The following LONRF1 variants were observed in gnomAD, a reference collection of about 807,000 sequenced individuals.
LONRF1 encodes LON peptidase N-terminal domain and ring finger 1, also known as LON peptidase N-terminal domain and RING finger protein 1.
Under a neutral mutation model 85.8 loss-of-function variants are expected in LONRF1, and 37 were observed. The observed-to-expected ratio is 0.43, with a 90% CI of 0.33 to 0.57. The LOEUF (loss-of-function observed/expected upper bound fraction) is 0.57, where lower values mean the gene tolerates loss of function less well. LONRF1 is among the 20% of genes least tolerant of loss of function. The probability of loss-of-function intolerance (pLI) is 0.04; values close to 1 mark genes in which losing one functional copy is unlikely to be tolerated. For missense variants in LONRF1, 1,036 were observed against 978.0 expected, an observed-to-expected ratio of 1.06 and a Z score of -0.79; for synonymous variants, 517 against 390.1, an observed-to-expected ratio of 1.33 and a Z score of -3.83.
At chr8:12,747,489 G>A (rs1161704187) in intron 1 of LONRF1, among the ~76,000 whole-genome samples, 4 of 152,194 alleles carry the variant, frequency 2.6e-5, no homozygotes, top group Non-Finnish European at 5.9e-5. Context: ...CAGTGTTGGT[G>A]TTAACAAAAG....
chr8:12,735,269 C>T lies in LONRF1; in HGVS notation c.1566+17G>A. ...CAAACTTAAGACCAACAAACAGACA[C>T]ATATACAAATATTTACCTCTTTTAA... On this transcript the variant is annotated intron_variant, in intron 7 of 11. Coordinates refer to ENST00000398246, the MANE Select transcript of LONRF1 (RefSeq NM_152271.5). 2.0e-6 allele frequency: 3 copies of T among 1,518,226 alleles called. No individual in the cohort carries two copies. Among genetic ancestry groups the T allele is most frequent in the South Asian group, 2.3e-5 (2 of 85,694 alleles). 94.0% of individuals were successfully genotyped at this position (1,518,226 alleles called of 1,614,324 possible).
chr8:12,725,082 T>G (rs1032269521), intron 11 of LONRF1, among the ~76,000 whole-genome samples: 2 of 152,250 alleles, frequency 1.3e-5, no homozygotes, highest in South Asian at 2.1e-4. Context: ...AAGTCTATGA[T>G]CAGATTTTCC....
chr8:12,743,913 T>C (rs1221576580), intron 1 of LONRF1, among the ~76,000 whole-genome samples: 2 of 152,168 alleles, frequency 1.3e-5, no homozygotes, highest in African/African-American at 4.8e-5. Context: ...AAACGCTTTG[T>C]GATTCATTTC....
In LONRF1 at chr8:12,722,185, TC is replaced by T. The variant is rs1195837720; in HGVS notation, c.*910del. 1 of 152,556 alleles carries T rather than the reference TC, an allele frequency of 6.6e-6. No homozygotes were observed. The highest frequency in any genetic ancestry group is 1.5e-5 in the Non-Finnish European group (1 of 68,030). The allele number at this position is 152,556 out of a possible 1,614,324, so 9.5% of individuals were successfully genotyped here. Reference sequence around the variant, plus strand: ...GTTCTATATTAAACTTCTTCTCTTTTCCCAGATCCTTAATGGGTTTATACTA... The same window carrying T: ...GTTCTATATTAAACTTCTTCTCTTTTCCAGATCCTTAATGGGTTTATACTA... On this transcript the variant is annotated 3_prime_UTR_variant, in exon 12 of 12. Transcript: ENST00000398246.
At chr8:12,749,638 TAAAAAAC>T (rs1353469888) in intron 1 of LONRF1, among the ~76,000 whole-genome samples, 1 of 152,156 alleles carries the variant, frequency 6.6e-6, no homozygotes, top group Non-Finnish European at 1.5e-5. Flanking sequence ...GAAAAACAGT[TAAAAAAC>T]AAATTATTCA....
intron 1 of LONRF1, among the ~76,000 whole-genome samples, chr8:12,746,856 G>T (rs895946440): frequency 6.6e-6 from 1 of 152,132 alleles, no homozygotes; most frequent in African/African-American, 2.4e-5. Flanking sequence ...TAATATGTTG[G>T]TAACAGTCTC....
chr8:12,727,602 G>C (rs1464550173), intron 10 of LONRF1, among the ~76,000 whole-genome samples: 2 of 152,026 alleles, frequency 1.3e-5, no homozygotes, highest in African/African-American at 2.4e-5. Flanking sequence ...AATACATATA[G>C]TCATGTAATT....
intron 7 of LONRF1, 41 bp from the exon 8 acceptor site, chr8:12,731,898 C>G (rs375840416): frequency 3.0e-5 from 47 of 1,592,674 alleles, no homozygotes; most frequent in Non-Finnish European, 3.8e-5. Flanking sequence ...AGTGGTTTTC[C>G]TACAGTATAA....
At chr8:12,747,532 A>C (rs1471988041) in intron 1 of LONRF1, among the ~76,000 whole-genome samples, 1 of 152,198 alleles carries the variant, frequency 6.6e-6, no homozygotes, top group Non-Finnish European at 1.5e-5. Context: ...GTTCGAATTG[A>C]CTTTTATTTG....
intron 8 of LONRF1, among the ~76,000 whole-genome samples, chr8:12,730,794 G>T (rs943332708): frequency 2.0e-5 from 3 of 152,214 alleles, no homozygotes; most frequent in Admixed American, 2.0e-4. Flanking sequence ...TCTGTGGAAG[G>T]CACCTGGCTC....
chr8:12,740,067 C>T (rs537497294), intron 3 of LONRF1, among the ~76,000 whole-genome samples: 2 of 152,158 alleles, frequency 1.3e-5, no homozygotes, highest in South Asian at 4.1e-4. Context: ...TTGGTGGGCC[C>T]AGGACTCTTT....
At chr8:12,734,101 G>A (rs1451085213) in intron 7 of LONRF1, among the ~76,000 whole-genome samples, 1 of 152,082 alleles carries the variant, frequency 6.6e-6, no homozygotes, top group African/African-American at 2.4e-5. Context: ...GTTATCCTGG[G>A]GGGGTATTTA....
intron 7 of LONRF1, 23 bp downstream of exon 7, chr8:12,735,263 C>G (rs1245417802): frequency 1.3e-6 from 2 of 1,491,942 alleles, no homozygotes; most frequent in Non-Finnish European, 1.8e-6. Flanking sequence ...GACCAACAAA[C>G]AGACACATAT....
chr8:12,743,392 A>C (rs528432719), intron 1 of LONRF1, 110 bp from the exon 2 acceptor site: 35 of 725,820 alleles, frequency 4.8e-5, no homozygotes, highest in Non-Finnish European at 7.2e-5. Flanking sequence ...CAGGGTTAAT[A>C]ATCACCAAAC....
chr8:12,743,183 T>C lies in LONRF1; in HGVS notation c.821A>G (p.Gln274Arg), dbSNP rs1316986528. The change falls in exon 2 of 12, where the codon CAA becomes CGA. Residue 274 changes from glutamine to arginine, a missense_variant. Physicochemically the swap from Gln to Arg is conservative, Grantham distance 43 (BLOSUM62 1). This residue lies in a region of LONRF1 where 742 missense variants were observed against 614.4 expected (regional missense o/e 1.21). Transcript: ENST00000398246. Reference sequence around the variant, plus strand: ...TTTTACCTCAGGCCAATCTGGAAGTTGAAAAAGAACTGCATTTAAATCTTC... The same window carrying C: ...TTTTACCTCAGGCCAATCTGGAAGTCGAAAAAGAACTGCATTTAAATCTTC... ...AIEDLNAVLFQLPDWPEVYFR... is the reference protein window; with the variant it reads ...AIEDLNAVLFRLPDWPEVYFR... The C allele has an allele frequency of 1.9e-6, 3 of 1,610,774 alleles. No homozygotes were observed. The highest frequency in any genetic ancestry group is 8.5e-7 in the Non-Finnish European group (1 of 1,177,262).
intron 7 of LONRF1, among the ~76,000 whole-genome samples, chr8:12,734,306 C>A (rs1015784026): frequency 6.6e-6 from 1 of 152,132 alleles, no homozygotes; most frequent in Non-Finnish European, 1.5e-5. Context: ...AATGTAATAA[C>A]AGACATGCTA....
At chr8:12,729,912 C>G (rs1013538010) in intron 8 of LONRF1, among the ~76,000 whole-genome samples, 4 of 152,134 alleles carry the variant, frequency 2.6e-5, no homozygotes, top group African/African-American at 9.7e-5. Context: ...AAAGGCAATG[C>G]CCAGTTCTGT....
rs953211103 is a variant in LONRF1 at position 12,737,431 on chromosome 8, A to G, written c.1114-291T>C. The G allele has an allele frequency of 4.9e-5, 27 of 551,952 alleles. No individual in the cohort carries two copies. In the African/African-American group the frequency reaches 4.9e-4, roughly 10 times the overall value. 34.2% of individuals were successfully genotyped at this position (551,952 alleles called of 1,614,324 possible). ...CTTTTTTCTTGTCATTATTCCCTAG[A>G]CAATACAGTATAACAACTATTTACA... On this transcript the variant is annotated intron_variant, in intron 4 of 11. Transcript: ENST00000398246.
intron 8 of LONRF1, among the ~76,000 whole-genome samples, chr8:12,729,874 C>G (rs755752380): frequency 1.6e-4 from 25 of 152,006 alleles, no homozygotes; most frequent in Non-Finnish European, 2.9e-4. Context: ...TTTTTCATTG[C>G]CAGATTGGTA....
Sources: gnomAD v4.1 joint callset for allele counts (sites outside exome capture counted in the v4.1 genomes callset) on GRCh38, gnomAD v4.1.1 for gene constraint, gnomAD v4.1.1 regional missense constraint, MANE v1.5 for transcripts, NCBI Gene and HGNC (gene_info 2026-07-23, HGNC 2026-07-21) for gene names.